GPC5: variants seen among roughly 807,000 people sequenced by gnomAD.
GPC5 encodes the protein glypican-5.
Under a neutral mutation model 53.9 loss-of-function variants are expected in GPC5, and 47 were observed. The observed-to-expected ratio is 0.87, with a 90% CI of 0.69 to 1.11. The LOEUF (loss-of-function observed/expected upper bound fraction) is 1.11. GPC5 is among the 50% of genes most tolerant of loss of function. The probability of loss-of-function intolerance (pLI) is 0.00; values close to 1 mark genes in which losing one functional copy is unlikely to be tolerated. For synonymous variants in GPC5, 286 were observed against 263.3 expected, an observed-to-expected ratio of 1.09 and a Z score of -0.84; for missense variants, 748 against 713.1, an observed-to-expected ratio of 1.05 and a Z score of -0.56.
At chr13:92,109,022 T>C (rs951022740) in intron 6 of GPC5, among the ~76,000 whole-genome samples, 1 of 151,954 alleles carries the variant, frequency 6.6e-6, no homozygotes, top group South Asian at 2.1e-4. Context: ...TGCCTTGCTG[T>C]TTTCTTGTAG....
At chr13:92,857,160 G>A (rs1879027257) in intron 7 of GPC5, among the ~76,000 whole-genome samples, 1 of 151,866 alleles carries the variant, frequency 6.6e-6, no homozygotes, top group African/African-American at 2.4e-5. Flanking sequence ...CAGAAATGAA[G>A]CAGCACACAT....
At chr13:92,631,782 T>C (rs1432283648) in intron 7 of GPC5, among the ~76,000 whole-genome samples, 3 of 152,184 alleles carry the variant, frequency 2.0e-5, no homozygotes, top group African/African-American at 7.2e-5. Context: ...TGCAAAATTC[T>C]CACCTAACCT....
At chr13:92,004,862 C>T (rs2040592275) in intron 6 of GPC5, among the ~76,000 whole-genome samples, 1 of 151,984 alleles carries the variant, frequency 6.6e-6, no homozygotes, top group African/African-American at 2.4e-5. Context: ...GGGGAAACTG[C>T]CCTCATGATT....
intron 1 of GPC5, among the ~76,000 whole-genome samples, chr13:91,424,244 G>A (rs74106742): frequency 0.012 from 1,750 of 152,076 alleles, 37 homozygotes; most frequent in African/African-American, 0.041. Context: ...GACACATGGT[G>A]GCAAGTACAT....
At chr13:91,658,319 G>T (rs115436585) in intron 2 of GPC5, among the ~76,000 whole-genome samples, 2,060 of 151,872 alleles carry the variant, frequency 0.014, 43 homozygotes, top group African/African-American at 0.047. Context: ...CATAACATTG[G>T]TGTTATGGCC....
At chr13:91,770,521 C>T (rs1270566243) in intron 5 of GPC5, among the ~76,000 whole-genome samples, 1 of 152,114 alleles carries the variant, frequency 6.6e-6, no homozygotes, top group Non-Finnish European at 1.5e-5. Context: ...GCTCCTATCA[C>T]CCAGGAAACT....
rs568086016 is a variant in GPC5, at chr13:92,445,760, A to G, written c.1561+300771A>G. The stretch of plus-strand genomic sequence containing the variant: ...TTCCAAGTCTTTGCTATCGTGAATA[A>G]TGCCGCAATAAACATACGTGTGCAT... On this transcript the variant is annotated intron_variant, in intron 7 of 7. Coordinates refer to ENST00000377067, the MANE Select transcript of GPC5 (RefSeq NM_004466.6). Among the ~76,000 whole-genome samples, 190 of 151,976 alleles carry G rather than the reference A, an allele frequency of 1.3e-3. 2 individuals are homozygous for G. Among genetic ancestry groups the G allele is most frequent in the African/African-American group, 4.4e-3 (181 of 41,472 alleles).
intron 7 of GPC5, among the ~76,000 whole-genome samples, chr13:92,837,358 G>C (rs1162685175): frequency 6.6e-6 from 1 of 152,138 alleles, no homozygotes; most frequent in Non-Finnish European, 1.5e-5. Context: ...TCATCTTTGA[G>C]ACAGTGACAC....
chr13:91,439,894 C>T (rs1345639106), intron 1 of GPC5, among the ~76,000 whole-genome samples: 1 of 152,180 alleles, frequency 6.6e-6, no homozygotes, highest in African/African-American at 2.4e-5. Flanking sequence ...CAAGTTACTC[C>T]TGTCATTGTA....
At chr13:92,633,460 AG>A (rs1397979648) in intron 7 of GPC5, among the ~76,000 whole-genome samples, 2 of 152,160 alleles carry the variant, frequency 1.3e-5, no homozygotes, top group African/African-American at 2.4e-5. Flanking sequence ...AAAAATATTT[AG>A]TTTTTTGCAC....
At chr13:91,876,366 T>C (rs2039201727) in intron 5 of GPC5, among the ~76,000 whole-genome samples, 1 of 152,218 alleles carries the variant, frequency 6.6e-6, no homozygotes, top group African/African-American at 2.4e-5. Context: ...TGGAACTTCC[T>C]AGAGGCTTGT....
At chr13:92,337,654 A>C (rs903237883) in intron 7 of GPC5, among the ~76,000 whole-genome samples, 1 of 152,166 alleles carries the variant, frequency 6.6e-6, no homozygotes, top group Non-Finnish European at 1.5e-5. Flanking sequence ...ATTGACCCAC[A>C]TGAATATAGT....
chr13:92,357,413 C>T (rs2043531495), intron 7 of GPC5, among the ~76,000 whole-genome samples: 1 of 151,702 alleles, frequency 6.6e-6, no homozygotes, highest in Admixed American at 6.6e-5. Context: ...GCCATTGTCA[C>T]TTGTGTGAGA....
intron 2 of GPC5, among the ~76,000 whole-genome samples, chr13:91,661,129 G>T (rs1438671859): frequency 1.3e-5 from 2 of 152,064 alleles, no homozygotes; most frequent in Non-Finnish European, 2.9e-5. Context: ...AGAGAAGTAT[G>T]GGTCCCCTGA....
chr13:91,578,152 C>G (rs1476094391), intron 2 of GPC5, among the ~76,000 whole-genome samples: 1 of 152,158 alleles, frequency 6.6e-6, no homozygotes. Context: ...GGAACTGAGG[C>G]CTTCTGCCAA....
intron 7 of GPC5, among the ~76,000 whole-genome samples, chr13:92,492,030 C>A (rs1377648377): frequency 6.6e-6 from 1 of 152,076 alleles, no homozygotes; most frequent in Non-Finnish European, 1.5e-5. Flanking sequence ...CCCCAAAAGG[C>A]AGACTCTGTC....
At chr13:91,994,422 C>T (rs537171682) in intron 6 of GPC5, 1 of 152,260 alleles carries the variant, frequency 6.6e-6, no homozygotes, top group South Asian at 2.1e-4. Flanking sequence ...TCATTCAAAA[C>T]CCAGCAAATC....
chr13:91,540,083 A>G (rs957061383), intron 2 of GPC5, among the ~76,000 whole-genome samples: 1 of 152,214 alleles, frequency 6.6e-6, no homozygotes, highest in Admixed American at 6.5e-5. Flanking sequence ...ACAGAAACCA[A>G]GATTATTCTT....
At chr13:92,068,581 C>A (rs1012101139) in intron 6 of GPC5, among the ~76,000 whole-genome samples, 5 of 151,318 alleles carry the variant, frequency 3.3e-5, no homozygotes, top group Non-Finnish European at 1.5e-5. Flanking sequence ...TTCCATATTT[C>A]CTTATTAATT....
Sources: gnomAD v4.1 joint callset for allele counts (sites outside exome capture counted in the v4.1 genomes callset) on GRCh38, gnomAD v4.1.1 for gene constraint, MANE v1.5 for transcripts, NCBI Gene and HGNC (gene_info 2026-07-23, HGNC 2026-07-21) for gene names.